Variants in CNTNAP3B observed in about 807,000 individuals in gnomAD.
CNTNAP3B encodes the protein contactin-associated protein-like 3B.
A neutral mutation model predicts 108.9 loss-of-function variants in CNTNAP3B; 25 were observed. The observed-to-expected ratio is 0.23, with a 90% CI of 0.17 to 0.32. CNTNAP3B has a LOEUF of 0.32. Among genes scored for constraint, CNTNAP3B ranks in the 10% least tolerant of loss-of-function variants. The pLI is 1.00. For missense variants in CNTNAP3B, 252 were observed against 1,210.4 expected (o/e 0.21, Z 11.75); for synonymous variants, 103 against 473.4 (o/e 0.22, Z 10.16).
At chr9:41,945,631 G>A (rs1210306259) in intron 13 of CNTNAP3B, among the ~76,000 whole-genome samples, 1 of 152,304 alleles carries the variant, frequency 6.6e-6, no homozygotes, top group East Asian at 1.9e-4. Context: ...TGTGGGGAGA[G>A]GGGAGGAATA....
At chr9:42,067,806 G>C (rs563142867) in intron 3 of CNTNAP3B, among the ~76,000 whole-genome samples, 3 of 134,730 alleles carry the variant, frequency 2.2e-5, no homozygotes, top group Admixed American at 7.4e-5. Context: ...TGATCGCAAT[G>C]AAAGAGGAAA....
chr9:41,943,509 C>A (rs533609182), intron 13 of CNTNAP3B, among the ~76,000 whole-genome samples: 4 of 152,072 alleles, frequency 2.6e-5, no homozygotes, highest in African/African-American at 7.2e-5. Flanking sequence ...CCTGCCACCA[C>A]GCCCAGCTAA....
chr9:41,968,085 G>A (rs1242848985), intron 10 of CNTNAP3B, among the ~76,000 whole-genome samples: 2 of 152,222 alleles, frequency 1.3e-5, no homozygotes, highest in African/African-American at 4.8e-5. Context: ...TTGTACTTTG[G>A]GAGCTACATG....
rs1167343443 is a variant in CNTNAP3B at position 42,116,385 on chromosome 9, A to C, written c.86-11646T>G. On this transcript the variant is annotated intron_variant, in intron 1 of 23. Coordinates refer to ENST00000377561, the MANE Select transcript of CNTNAP3B (RefSeq NM_001201380.3). ...GCCAATATTCAACATTCTTAAAGAAAAGAATTTTCAACCCAGAATTTCATA... is the reference window on the plus strand; with the variant it reads ...GCCAATATTCAACATTCTTAAAGAACAGAATTTTCAACCCAGAATTTCATA... Among the ~76,000 whole-genome samples the C allele has an allele frequency of 3.1e-5, 4 of 130,458 alleles. 1 individual carries two copies. The East Asian group carries it at 9.2e-4, about 30-fold the overall frequency. 85.6% of individuals were successfully genotyped at this position (130,458 alleles called of 152,430 possible).
Position 42,032,625 on chromosome 9 carries a change from A to C in CNTNAP3B, c.391-19100T>G, listed in dbSNP as rs1826540416. On this transcript the variant is annotated intron_variant, in intron 3 of 23. Coordinates refer to ENST00000377561, the MANE Select transcript of CNTNAP3B (RefSeq NM_001201380.3). ...ATTTTGAAGTTATGTGTTGAGGCTTATTAATCATTAATACAGCACAAAAGA... is the reference window on the plus strand; with the variant it reads ...ATTTTGAAGTTATGTGTTGAGGCTTCTTAATCATTAATACAGCACAAAAGA... Among the ~76,000 whole-genome samples the C allele has an allele frequency of 1.0e-4, 2 of 19,738 alleles. 1 individual carries two copies. Among genetic ancestry groups the C allele is most frequent in the Non-Finnish European group, 3.3e-4 (2 of 6,110 alleles). The allele number at this position is 19,738 out of a possible 152,430, so 12.9% of individuals were successfully genotyped here.
chr9:41,956,524 T>C (rs913736303), intron 12 of CNTNAP3B, among the ~76,000 whole-genome samples: 2 of 152,196 alleles, frequency 1.3e-5, no homozygotes, highest in Non-Finnish European at 1.5e-5. Context: ...TTACTCAGTA[T>C]ATCATATGAA....
rs1824080336 is a variant in CNTNAP3B at position 41,934,188 on chromosome 9, C to CATATATATACACACACACATATATAT, written c.2237+4055_2237+4056insATATATATGTGTGTGTGTATATATAT. On this transcript the variant is annotated intron_variant, in intron 14 of 23. Transcript: ENST00000377561. Reference sequence around the variant, plus strand: ...ACACACATATATATACACACACACACATATATATATACATACACACACACA... The same window carrying CATATATATACACACACACATATATAT: ...ACACACATATATATACACACACACACATATATATACACACACACATATATATATATATATATACATACACACACACA... Among the ~76,000 whole-genome samples, 2 of 135,358 alleles carry CATATATATACACACACACATATATAT rather than the reference C, an allele frequency of 1.5e-5. 1 individual carries two copies. The highest frequency in any genetic ancestry group is 5.8e-5 in the African/African-American group (2 of 34,732). 88.8% of individuals were successfully genotyped at this position (135,358 alleles called of 152,430 possible).
rs1312279997 is a variant in CNTNAP3B, at chr9:42,121,127, C to T, written c.85+7883G>A. Among the ~76,000 whole-genome samples the T allele has an allele frequency of 1.2e-4, 17 of 138,348 alleles. 3 individuals are homozygous for T. Among genetic ancestry groups the T allele is most frequent in the African/African-American group, 3.2e-4 (11 of 34,674 alleles). The allele number at this position is 138,348 out of a possible 152,430, so 90.8% of individuals were successfully genotyped here. A position where few individuals can be genotyped will look rare whatever the true frequency, so the allele number is the denominator to read the frequency against. ...AGCACCCCAAGGGCAGTGCTGAATCCCTGGACAGGACTCAGGATAAATGCA... is the reference window on the plus strand; with the variant it reads ...AGCACCCCAAGGGCAGTGCTGAATCTCTGGACAGGACTCAGGATAAATGCA... On this transcript the variant is annotated intron_variant, in intron 1 of 23. Coordinates refer to ENST00000377561, the MANE Select transcript of CNTNAP3B (RefSeq NM_001201380.3).
At chr9:41,933,002 T>C (rs1204531181) in intron 14 of CNTNAP3B, among the ~76,000 whole-genome samples, 19 of 151,672 alleles carry the variant, frequency 1.3e-4, no homozygotes, top group African/African-American at 4.6e-4. Context: ...AGAACTAGTT[T>C]CTTCACTTTA....
chr9:41,964,743 A>G, intron 10 of CNTNAP3B, 99 bp from the exon 11 acceptor site: 1 of 1,488,750 alleles, frequency 6.7e-7, no homozygotes, highest in Non-Finnish European at 9.0e-7. Context: ...AGCATACGCA[A>G]GATAACCCCA....
intron 3 of CNTNAP3B, among the ~76,000 whole-genome samples, chr9:42,070,572 C>G (rs1169607668): frequency 1.4e-5 from 2 of 146,852 alleles, no homozygotes; most frequent in Non-Finnish European, 1.5e-5. Flanking sequence ...CTTTTCCCTA[C>G]TGTCAACCAA....
chr9:42,035,408 C>T (rs1312913605), intron 3 of CNTNAP3B, among the ~76,000 whole-genome samples: 1 of 145,964 alleles, frequency 6.9e-6, no homozygotes, highest in Non-Finnish European at 1.5e-5. Flanking sequence ...GGATTCTCAC[C>T]CAGATCTGCC....
At chr9:41,926,759 C>T (rs1315368552) in intron 15 of CNTNAP3B, 1 of 152,328 alleles carries the variant, frequency 6.6e-6, no homozygotes, top group Non-Finnish European at 1.5e-5. Flanking sequence ...TTTCTCTTCT[C>T]CATACTTTCA....
Position 41,926,320 on chromosome 9 carries a change from C to T in CNTNAP3B, c.2366-2227G>A, listed in dbSNP as rs1276536824. Among the ~76,000 whole-genome samples the T allele has an allele frequency of 6.6e-5, 10 of 152,022 alleles. No individual in the cohort carries two copies. The East Asian group carries it at 1.9e-3, about 29-fold the overall frequency. On this transcript the variant is annotated intron_variant, in intron 15 of 23. Transcript: ENST00000377561. ...CTGCAGATCCCCTAGTCCCAGCTGC[C>T]CCAAAAGAAGGGAAAAGAATCAATA...
chr9:41,944,512 G>C (rs928743438), intron 13 of CNTNAP3B, among the ~76,000 whole-genome samples: 1 of 152,406 alleles, frequency 6.6e-6, no homozygotes, highest in African/African-American at 2.4e-5. Context: ...ATACTCAAAG[G>C]CTACCACTAA....
intron 13 of CNTNAP3B, among the ~76,000 whole-genome samples, chr9:41,938,688 C>T (rs1209230528): frequency 6.6e-6 from 1 of 152,238 alleles, no homozygotes. Context: ...AAATAACATT[C>T]AAAAAAATTC....
chr9:41,953,360 G>T lies in CNTNAP3B; in HGVS notation c.1903C>A (p.His635Asn), dbSNP rs541032493. ...TADSAWTVVR[H>N]GGPDAVTLRG... ...AGGGTCACCGCGTCGGGGCCACCGT[G>T]CCGCACCACCGTCCACGCGGAGTCT... The change falls in exon 13 of 24, where the codon CAC (histidine) becomes AAC (asparagine). Residue 635 changes from histidine to asparagine, a missense_variant. His to Asn is a moderately conservative substitution (Grantham distance 68). Transcript: ENST00000377561. The T allele has an allele frequency of 6.4e-7, 1 of 1,552,246 alleles. No individual in the cohort carries two copies. The highest frequency in any genetic ancestry group is 1.2e-5 in the South Asian group (1 of 85,234).
chr9:41,933,540 T>A (rs1449648674), intron 14 of CNTNAP3B, among the ~76,000 whole-genome samples: 2 of 152,418 alleles, frequency 1.3e-5, no homozygotes, highest in Non-Finnish European at 1.5e-5. Context: ...ATATTGCAAA[T>A]AAAATTTTTC....
intron 12 of CNTNAP3B, among the ~76,000 whole-genome samples, chr9:41,957,564 C>A (rs1330428288): frequency 2.1e-5 from 3 of 144,622 alleles, no homozygotes; most frequent in African/African-American, 5.3e-5. Context: ...TTCTGTTATG[C>A]TGTTTTTGAT....
Sources: allele counts gnomAD v4.1 joint callset (sites outside exome capture counted in the v4.1 genomes callset), GRCh38; gene constraint gnomAD v4.1.1; transcripts MANE v1.5; gene names NCBI Gene and HGNC (gene_info 2026-07-23, HGNC 2026-07-21).